Variants in FRMD4B observed in about 807,000 individuals in gnomAD.
FRMD4B encodes the protein FERM domain-containing protein 4B.
In FRMD4B, 74 loss-of-function variants were observed where a neutral mutation model predicts 141.5. The ratio of observed to expected loss-of-function variants is 0.52; its 90% CI spans 0.43 to 0.63. The LOEUF (loss-of-function observed/expected upper bound fraction) is 0.63. FRMD4B is among the 30% of genes least tolerant of loss of function. The pLI, the probability that FRMD4B is intolerant of heterozygous loss-of-function variation, is 0.00. For synonymous variants in FRMD4B, 506 were observed against 467.9 expected, an observed-to-expected ratio of 1.08 and a Z score of -1.05; for missense variants, 1,366 against 1,253.4, an observed-to-expected ratio of 1.09 and a Z score of -1.36.
At chr3:69,297,409 A>T (rs559588688) in intron 4 of FRMD4B, among the ~76,000 whole-genome samples, 1 of 152,162 alleles carries the variant, frequency 6.6e-6, no homozygotes, top group Non-Finnish European at 1.5e-5. Flanking sequence ...GGACACATGC[A>T]GTCCTAGGAC....
chr3:69,315,659 A>T (rs557013898), intron 1 of FRMD4B, among the ~76,000 whole-genome samples: 1 of 152,310 alleles, frequency 6.6e-6, no homozygotes, highest in South Asian at 2.1e-4. Context: ...GATGGACCTC[A>T]TTCTTTTTAA....
intron 16 of FRMD4B, 72 bp downstream of exon 16, chr3:69,194,950 A>G: frequency 7.0e-7 from 1 of 1,425,292 alleles, no homozygotes; most frequent in Non-Finnish European, 9.6e-7. Context: ...AAACCAAAGG[A>G]AAATGTCCAC....
chr3:69,361,888 G>C (rs1182633635), intron 1 of FRMD4B, among the ~76,000 whole-genome samples: 1 of 152,128 alleles, frequency 6.6e-6, no homozygotes, highest in Non-Finnish European at 1.5e-5. Context: ...TGCATGAATA[G>C]AGCTAACAGA....
At chr3:69,474,103 G>A (rs72935529) in intron 1 of FRMD4B, among the ~76,000 whole-genome samples, 29,379 of 152,132 alleles carry the variant, frequency 0.19, 3,494 homozygotes, top group African/African-American at 0.34. Flanking sequence ...TTTATGCAAT[G>A]GTCTGAATTA....
chr3:69,178,844 GA>G (rs1165284373), intron 21 of FRMD4B, among the ~76,000 whole-genome samples: 1 of 151,388 alleles, frequency 6.6e-6, no homozygotes, highest in Non-Finnish European at 1.5e-5. Flanking sequence ...TCACTATATA[GA>G]ACTGTTGCAT....
intron 1 of FRMD4B, among the ~76,000 whole-genome samples, chr3:69,453,696 T>C (rs1705536482): frequency 6.6e-6 from 1 of 152,144 alleles, no homozygotes; most frequent in African/African-American, 2.4e-5. Flanking sequence ...GTGCATGGCA[T>C]TTGGCAGAGA....
intron 5 of FRMD4B, among the ~76,000 whole-genome samples, chr3:69,286,962 G>A (rs1488173867): frequency 6.6e-6 from 1 of 152,024 alleles, no homozygotes; most frequent in African/African-American, 2.4e-5. Flanking sequence ...ACACCACCAC[G>A]CCTAGCTAAT....
chr3:69,496,857 T>C (rs1304357999), intron 1 of FRMD4B, among the ~76,000 whole-genome samples: 1 of 152,032 alleles, frequency 6.6e-6, no homozygotes, highest in Non-Finnish European at 1.5e-5. Context: ...ATGTTGATTG[T>C]ATCTGACCCC....
chr3:69,176,976 TAAA>T (rs1459635325), intron 21 of FRMD4B, among the ~76,000 whole-genome samples: 1 of 152,194 alleles, frequency 6.6e-6, no homozygotes, highest in Non-Finnish European at 1.5e-5. Context: ...AAGTACTCAG[TAAA>T]TAACTATTAA....
chr3:69,345,259 C>T (rs903339878), intron 1 of FRMD4B, among the ~76,000 whole-genome samples: 9 of 152,282 alleles, frequency 5.9e-5, no homozygotes, highest in African/African-American at 9.6e-5. Context: ...AGTCTGAGAT[C>T]GAACTGCAAG....
intron 5 of FRMD4B, among the ~76,000 whole-genome samples, chr3:69,256,754 G>A (rs1412205177): frequency 6.6e-6 from 1 of 152,100 alleles, no homozygotes; most frequent in Non-Finnish European, 1.5e-5. Context: ...TATTTTCCAG[G>A]AGTTACTCTG....
chr3:69,271,525 G>T (rs960932419), intron 5 of FRMD4B, among the ~76,000 whole-genome samples: 2 of 152,074 alleles, frequency 1.3e-5, no homozygotes, highest in Admixed American at 1.3e-4. Flanking sequence ...GCTATTATTA[G>T]GAAAACTTTG....
intron 1 of FRMD4B, among the ~76,000 whole-genome samples, chr3:69,366,354 T>C (rs912907140): frequency 3.3e-5 from 5 of 152,158 alleles, no homozygotes; most frequent in African/African-American, 1.2e-4. Context: ...TTAATTATGG[T>C]TCATTCATAC....
chr3:69,312,379 G>T (rs1485707501), intron 2 of FRMD4B, among the ~76,000 whole-genome samples: 1 of 152,156 alleles, frequency 6.6e-6, no homozygotes, highest in East Asian at 1.9e-4. Context: ...TAGACTAAAG[G>T]TCTACTTGGG....
chr3:69,496,159 A>T (rs562283430), intron 1 of FRMD4B, among the ~76,000 whole-genome samples: 24 of 152,356 alleles, frequency 1.6e-4, no homozygotes, highest in South Asian at 1.0e-3. Context: ...GAGTAGAAAA[A>T]TGGTTACAGA....
At chr3:69,290,787 GT>G (rs1440650188) in intron 4 of FRMD4B, among the ~76,000 whole-genome samples, 1 of 152,136 alleles carries the variant, frequency 6.6e-6, no homozygotes, top group Non-Finnish European at 1.5e-5. Context: ...CAGACTCTGA[GT>G]TTTAGAGATC....
intron 1 of FRMD4B, among the ~76,000 whole-genome samples, chr3:69,467,342 C>T (rs1479940873): frequency 6.6e-6 from 1 of 152,144 alleles, no homozygotes; most frequent in Admixed American, 6.5e-5. Flanking sequence ...TGATTTGGAC[C>T]CAAATCCATC....
intron 2 of FRMD4B, among the ~76,000 whole-genome samples, chr3:69,402,340 G>A (rs1704577175): frequency 6.6e-6 from 1 of 152,168 alleles, no homozygotes; most frequent in Non-Finnish European, 1.5e-5. Flanking sequence ...TTTTAAACAA[G>A]GCAATTACCA....
At chr3:69,345,194 G>A (rs1702891321) in intron 1 of FRMD4B, among the ~76,000 whole-genome samples, 1 of 152,252 alleles carries the variant, frequency 6.6e-6, no homozygotes, top group Admixed American at 6.5e-5. Flanking sequence ...ATTATATCCT[G>A]CACCTGACTC....
Sources: gnomAD v4.1 joint callset for allele counts (sites outside exome capture counted in the v4.1 genomes callset) on GRCh38, gnomAD v4.1.1 for gene constraint, MANE v1.5 for transcripts, NCBI Gene and HGNC (gene_info 2026-07-23, HGNC 2026-07-21) for gene names.